LRRCC1: variants seen among roughly 807,000 people sequenced by gnomAD.
LRRCC1 encodes leucine rich repeat and coiled-coil centrosomal protein 1, also known as leucine-rich repeat and coiled-coil domain-containing protein 1.
Under a neutral mutation model 126.0 loss-of-function variants are expected in LRRCC1, and 115 were observed. The observed-to-expected ratio is 0.91, with a 90% confidence interval of 0.78 to 1.07. LRRCC1 has a LOEUF of 1.07. Among genes scored for constraint, LRRCC1 ranks in the 50% least tolerant of loss-of-function variants. The probability of loss-of-function intolerance (pLI) is 0.00; values close to 1 mark genes in which losing one functional copy is unlikely to be tolerated. For synonymous variants in LRRCC1, 400 were observed against 393.4 expected (o/e 1.02, Z -0.20); for missense variants, 1,172 against 1,175.7 (o/e 1.00, Z 0.05).
intron 9 of LRRCC1, among the ~76,000 whole-genome samples, chr8:85,127,178 C>T (rs1048075770): frequency 6.6e-6 from 1 of 152,104 alleles, no homozygotes; most frequent in Non-Finnish European, 1.5e-5. Flanking sequence ...CTTCATGGGT[C>T]ATATTTGATC....
At chr8:85,144,450 A>G (rs1401062843) in intron 18 of LRRCC1, among the ~76,000 whole-genome samples, 4 of 108,494 alleles carry the variant, frequency 3.7e-5, no homozygotes, top group Non-Finnish European at 7.2e-5. Context: ...GTGTGTATAT[A>G]TATATATATA....
chr8:85,123,129 C>T (rs1283313459), intron 6 of LRRCC1, among the ~76,000 whole-genome samples: 1 of 152,158 alleles, frequency 6.6e-6, no homozygotes, highest in African/African-American at 2.4e-5. Flanking sequence ...GTCAGCTCCC[C>T]TCTAGGATAA....
rs752041987 is a variant in LRRCC1 at position 85,131,923 on chromosome 8, C to T, written c.1930C>T (p.Arg644Cys). 38 of 1,613,306 alleles carry T rather than the reference C, an allele frequency of 2.4e-5. 1 individual carries two copies. In the South Asian group the frequency reaches 3.6e-4, roughly 15 times the overall value. ...GTATATGGATTTAGAAAATGAATTC[C>T]GTATTGCTTTAACTGTTGAAGCCAG... ...QQYMDLENEFRIALTVEARRF... is the reference protein window; with the variant it reads ...QQYMDLENEFCIALTVEARRF... The change falls in exon 12 of 19, where the codon CGT becomes TGT. Residue 644 changes from arginine (R) to cysteine (C), a missense_variant. Coordinates refer to ENST00000360375, the MANE Select transcript of LRRCC1 (RefSeq NM_033402.5).
intron 17 of LRRCC1, among the ~76,000 whole-genome samples, chr8:85,140,086 C>CA (rs539475349): frequency 2.1e-4 from 32 of 151,442 alleles, no homozygotes; most frequent in Non-Finnish European, 2.7e-4. Context: ...TATAATTAGC[C>CA]AAAAAAAACT....
At chr8:85,130,169 T>A in intron 11 of LRRCC1, 111 bp downstream of exon 11, 1 of 791,500 alleles carries the variant, frequency 1.3e-6, no homozygotes. Context: ...GGAGTCTTGC[T>A]CTGTCGTCCA....
At chr8:85,116,458 C>T (rs1439890080) in intron 6 of LRRCC1, among the ~76,000 whole-genome samples, 2 of 152,054 alleles carry the variant, frequency 1.3e-5, no homozygotes, top group Non-Finnish European at 2.9e-5. Flanking sequence ...ACTGCAGCCT[C>T]GAATTCCTGA....
At chr8:85,145,275 C>T in intron 18 of LRRCC1, 114 bp from the exon 19 acceptor site, 1 of 752,914 alleles carries the variant, frequency 1.3e-6, no homozygotes, top group South Asian at 2.3e-5. Flanking sequence ...TCTTTAAATA[C>T]ATCACAAATT....
chr8:85,138,172 A>G lies in LRRCC1; in HGVS notation c.2631A>G (p.Glu877=). 1 of 1,612,128 alleles carries G rather than the reference A, an allele frequency of 6.2e-7. No homozygotes were observed. The highest frequency in any genetic ancestry group is 1.3e-5 in the African/African-American group (1 of 74,980). ...TTGAGAAGTTGGAAAGGCACAATGA[A>G]AGAAAAGAAAAACTAAAACAACAGT... The part of the protein sequence containing the change: ...EVLEKLERHN[E]RKEKLKQQLK... The change falls in exon 16 of 19, where the codon GAA becomes GAG. Residue 877 remains glutamate (E), a synonymous_variant. Transcript: ENST00000360375.
intron 6 of LRRCC1, among the ~76,000 whole-genome samples, chr8:85,121,777 T>C (rs1695709211): frequency 1.3e-5 from 2 of 152,204 alleles, no homozygotes; most frequent in Non-Finnish European, 2.9e-5. Context: ...TGTTTTGGTC[T>C]GGATGCTCTA....
intron 12 of LRRCC1, among the ~76,000 whole-genome samples, chr8:85,132,955 G>T (rs955486427): frequency 6.6e-6 from 1 of 152,118 alleles, no homozygotes; most frequent in Non-Finnish European, 1.5e-5. Flanking sequence ...ATACAAACAT[G>T]CTGTGATTTC....
At chr8:85,130,107 A>C in intron 11 of LRRCC1, 49 bp downstream of exon 11, 15 of 1,393,294 alleles carry the variant, frequency 1.1e-5, no homozygotes, top group South Asian at 1.5e-5. Context: ...AAAAAGAAAA[A>C]GAAAGCTACT....
chr8:85,110,706 G>A (rs1368878624), intron 3 of LRRCC1, among the ~76,000 whole-genome samples: 1 of 152,208 alleles, frequency 6.6e-6, no homozygotes, highest in African/African-American at 2.4e-5. Flanking sequence ...CATTCCAAAG[G>A]TTGTTGCAAG....
intron 12 of LRRCC1, among the ~76,000 whole-genome samples, chr8:85,133,155 G>A (rs1810606834): frequency 6.6e-6 from 1 of 152,134 alleles, no homozygotes; most frequent in South Asian, 2.1e-4. Context: ...CGCTATCAAA[G>A]CCACCAGCAA....
intron 18 of LRRCC1, among the ~76,000 whole-genome samples, chr8:85,144,014 C>T (rs1179836803): frequency 6.6e-6 from 1 of 152,074 alleles, no homozygotes; most frequent in African/African-American, 2.4e-5. Context: ...ATATTGGTAA[C>T]ATTATCAGAA....
Position 85,137,459 on chromosome 8 carries a change from C to T in LRRCC1, c.2330-5C>T. The T allele has an allele frequency of 6.5e-7, 1 of 1,541,910 alleles. No homozygotes were observed. The highest frequency in any genetic ancestry group is 2.4e-5 in the East Asian group (1 of 41,374). On this transcript the variant is annotated splice_polypyrimidine_tract_variant and splice_region_variant and intron_variant, in intron 14 of 18. Coordinates refer to ENST00000360375, the MANE Select transcript of LRRCC1 (RefSeq NM_033402.5). The stretch of plus-strand genomic sequence containing the variant: ...AGTATGTAATTGATGATTTTTGTTT[C>T]TTAGGATCTTCTCTAGCCCAAAATC...
chr8:85,107,278 C>T lies in LRRCC1; in HGVS notation c.-18C>T, dbSNP rs1587352024. Reference sequence around the variant, plus strand: ...TCGCTGGGTGCCGGTTAAGACCCCGCTCCCCGTCGCCAGTGCTATGGAGGC... The same window carrying T: ...TCGCTGGGTGCCGGTTAAGACCCCGTTCCCCGTCGCCAGTGCTATGGAGGC... On this transcript the variant is annotated 5_prime_UTR_variant, in exon 1 of 19. Transcript: ENST00000360375. 6.2e-7 allele frequency: 1 copy of T among 1,602,300 alleles called. No homozygotes were observed. Among genetic ancestry groups the T allele is most frequent in the African/African-American group, 1.3e-5 (1 of 74,936 alleles).
intron 1 of LRRCC1, chr8:85,109,302 C>T (rs1294980654): frequency 6.0e-6 from 2 of 334,022 alleles, no homozygotes; most frequent in Non-Finnish European, 1.1e-5. Flanking sequence ...TTATTGACTA[C>T]TATTCAGCAC....
intron 1 of LRRCC1, chr8:85,109,347 G>T (rs1808511250): frequency 2.0e-6 from 1 of 492,480 alleles, no homozygotes; most frequent in South Asian, 3.2e-5. Context: ...GCACACAGGA[G>T]TTAGAAATGC....
At chr8:85,142,200 A>G (rs1811299948) in intron 18 of LRRCC1, among the ~76,000 whole-genome samples, 1 of 151,952 alleles carries the variant, frequency 6.6e-6, no homozygotes. Flanking sequence ...AGGCTGAGGT[A>G]GGAGAATGGC....
Sources: allele counts gnomAD v4.1 joint callset (sites outside exome capture counted in the v4.1 genomes callset), GRCh38; gene constraint gnomAD v4.1.1; transcripts MANE v1.5; gene names NCBI Gene and HGNC (gene_info 2026-07-23, HGNC 2026-07-21).